The following NT5M variants were observed in gnomAD, a reference collection of about 807,000 sequenced individuals.
NT5M encodes 5',3'-nucleotidase, mitochondrial.
In NT5M, 22 loss-of-function variants were observed where a neutral mutation model predicts 22.2. The ratio of observed to expected loss-of-function variants is 0.99; its 90% CI spans 0.71 to 1.41. The LOEUF (loss-of-function observed/expected upper bound fraction) is 1.41, where lower values mean the gene tolerates loss of function less well. Ranked by LOEUF, NT5M falls within the 40% of genes most tolerant of loss-of-function variation. NT5M has a pLI of 0.00. For missense variants in NT5M, 322 were observed against 314.8 expected, an observed-to-expected ratio of 1.02 and a Z score of -0.17; for synonymous variants, 167 against 133.0, an observed-to-expected ratio of 1.26 and a Z score of -1.76.
intron 2 of NT5M, 151 bp from the exon 3 acceptor site, chr17:17,323,034 G>A (rs1796569119): frequency 2.7e-6 from 2 of 735,314 alleles, no homozygotes; most frequent in Admixed American, 1.8e-5. Flanking sequence ...CACCTCTGGT[G>A]TGGATATAGT....
chr17:17,319,105 C>T (rs566532465), intron 2 of NT5M, among the ~76,000 whole-genome samples: 25 of 149,896 alleles, frequency 1.7e-4, no homozygotes, highest in African/African-American at 5.9e-4. Flanking sequence ...CAGCTGCTTG[C>T]GGGGAGGCTG....
chr17:17,306,506 G>A (rs2145312048), intron 1 of NT5M, 37 bp from the exon 2 acceptor site: 1 of 1,466,382 alleles, frequency 6.8e-7, no homozygotes, highest in Non-Finnish European at 9.6e-7. Context: ...AAGGTGCTGA[G>A]GACCCTGGAA....
At chr17:17,304,569 T>G (rs536171139) in intron 1 of NT5M, 104 of 344,660 alleles carry the variant, frequency 3.0e-4, no homozygotes, top group African/African-American at 2.2e-3. Context: ...ATCCCTTGAT[T>G]GGCCACCTAG....
At chr17:17,330,384 T>C (rs565251136) in intron 3 of NT5M, among the ~76,000 whole-genome samples, 49 of 151,820 alleles carry the variant, frequency 3.2e-4, no homozygotes, top group Non-Finnish European at 6.5e-4. Context: ...GTAGACTTTT[T>C]TTTTTTTTTT....
At chr17:17,337,716 C>G (rs930327291) in intron 3 of NT5M, among the ~76,000 whole-genome samples, 1 of 152,096 alleles carries the variant, frequency 6.6e-6, no homozygotes, top group Non-Finnish European at 1.5e-5. Context: ...TGAGAAATGT[C>G]TATTTAGATC....
intron 2 of NT5M, 86 bp from the exon 3 acceptor site, chr17:17,323,099 C>A: frequency 9.6e-7 from 1 of 1,038,706 alleles, no homozygotes; most frequent in Non-Finnish European, 1.5e-6. Flanking sequence ...GAGGGTCCAG[C>A]CCTGTGAAGG....
intron 3 of NT5M, among the ~76,000 whole-genome samples, chr17:17,344,288 G>T (rs538949617): frequency 1.2e-3 from 182 of 152,324 alleles, no homozygotes; most frequent in Admixed American, 4.9e-3. Flanking sequence ...GCCTGTCCCA[G>T]GTGTTATGTA....
intron 1 of NT5M, among the ~76,000 whole-genome samples, chr17:17,304,991 C>T (rs111408088): frequency 0.016 from 2,493 of 152,238 alleles, 70 homozygotes; most frequent in African/African-American, 0.057. Context: ...TCTTCTACAG[C>T]GGATGCCTAA....
At chr17:17,332,608 C>A (rs979418671) in intron 3 of NT5M, among the ~76,000 whole-genome samples, 2 of 152,188 alleles carry the variant, frequency 1.3e-5, no homozygotes, top group Non-Finnish European at 2.9e-5. Flanking sequence ...CTGGGCTGAA[C>A]TATTTTCTCC....
chr17:17,315,948 C>A (rs138419388), intron 2 of NT5M, among the ~76,000 whole-genome samples: 1 of 150,626 alleles, frequency 6.6e-6, no homozygotes, highest in Non-Finnish European at 1.5e-5. Context: ...GTAGAGATGG[C>A]GTTTCACTGT....
intron 2 of NT5M, 134 bp from the exon 3 acceptor site, chr17:17,323,051 G>A: frequency 3.9e-6 from 3 of 778,884 alleles, no homozygotes; most frequent in East Asian, 2.4e-5. Context: ...TAGTACAGGG[G>A]AGTGGGTCTC....
rs2049777417 is a variant in NT5M at position 17,347,100 on chromosome 17, C to T, written c.*153C>T. The T allele has an allele frequency of 2.0e-6, 2 of 1,012,582 alleles. No individual in the cohort carries two copies. The highest frequency in any genetic ancestry group is 2.8e-6 in the Non-Finnish European group (2 of 709,344). The allele number at this position is 1,012,582 out of a possible 1,614,324, so 62.7% of individuals were successfully genotyped here. On this transcript the variant is annotated 3_prime_UTR_variant, in exon 5 of 5. Coordinates refer to ENST00000389022, the MANE Select transcript of NT5M (RefSeq NM_020201.4). ...TGTCCCTTCCCTTCCCCAGCCCTGC[C>T]AGGCCTTAACCTGATCACGGGGCAG...
chr17:17,318,480 CAAAAAAA>C (rs71355545), intron 2 of NT5M, among the ~76,000 whole-genome samples: 4 of 42,112 alleles, frequency 9.5e-5, no homozygotes, highest in Admixed American at 3.4e-4. Context: ...GACTCTGTCT[CAAAAAAA>C]AAAAAAAAAA....
chr17:17,317,790 T>C (rs7220057), intron 2 of NT5M, among the ~76,000 whole-genome samples: 102,283 of 151,596 alleles, frequency 0.67, 34,711 homozygotes, highest in East Asian at 0.79. Flanking sequence ...CATGATGAAA[T>C]CCTGTCTACT....
intron 4 of NT5M, among the ~76,000 whole-genome samples, chr17:17,345,930 GTGT>G (rs1417282169): frequency 2.6e-5 from 4 of 152,250 alleles, no homozygotes; most frequent in Non-Finnish European, 5.9e-5. Context: ...CTGCCCGTGA[GTGT>G]TGTTTCTTTG....
chr17:17,322,759 C>T (rs1041898520), intron 2 of NT5M, among the ~76,000 whole-genome samples: 1 of 152,212 alleles, frequency 6.6e-6, no homozygotes, highest in African/African-American at 2.4e-5. Context: ...GGATGTGGCG[C>T]TCCTCACGCG....
intron 3 of NT5M, among the ~76,000 whole-genome samples, chr17:17,328,394 C>T (rs768276767): frequency 1.8e-4 from 27 of 151,354 alleles, no homozygotes; most frequent in Non-Finnish European, 3.5e-4. Context: ...GGGAGAAGTG[C>T]GGGTGAGAAG....
intron 3 of NT5M, among the ~76,000 whole-genome samples, chr17:17,339,739 G>GT (rs1312548856): frequency 6.6e-6 from 1 of 152,068 alleles, no homozygotes; most frequent in African/African-American, 2.4e-5. Context: ...ATAATCATAT[G>GT]TTTTTTGTCC....
chr17:17,328,591 T>C (rs559846437), intron 3 of NT5M, among the ~76,000 whole-genome samples: 2 of 151,824 alleles, frequency 1.3e-5, no homozygotes, highest in South Asian at 2.1e-4. Flanking sequence ...AGGACAGAGG[T>C]CTCCCACGGT....
Sources: gnomAD v4.1 joint callset for allele counts (sites outside exome capture counted in the v4.1 genomes callset) on GRCh38, gnomAD v4.1.1 for gene constraint, MANE v1.5 for transcripts, NCBI Gene and HGNC (gene_info 2026-07-23, HGNC 2026-07-21) for gene names.